Variants in CCDC144A observed in about 807,000 individuals in gnomAD.
The protein encoded by CCDC144A is coiled-coil domain-containing protein 144A.
Under a neutral mutation model 143.8 loss-of-function variants are expected in CCDC144A, and 41 were observed. The observed-to-expected ratio is 0.29, with a 90% CI of 0.22 to 0.37. The LOEUF (loss-of-function observed/expected upper bound fraction) is 0.37. Among genes scored for constraint, CCDC144A ranks in the 10% least tolerant of loss-of-function variants. CCDC144A has a pLI of 1.00. For synonymous variants in CCDC144A, 242 were observed against 517.9 expected (o/e 0.47, Z 7.23); for missense variants, 637 against 1,488.8 (o/e 0.43, Z 9.41).
At chr17:16,745,217 C>A (rs1217563723) in intron 12 of CCDC144A, among the ~76,000 whole-genome samples, 1 of 151,522 alleles carries the variant, frequency 6.6e-6, no homozygotes, top group Non-Finnish European at 1.5e-5. Context: ...CAGAGGCCAC[C>A]GAGAAGCACG....
rs547712631 is a variant in CCDC144A at position 16,737,957 on chromosome 17, CT to C, written c.3372+2323del. On this transcript the variant is annotated intron_variant, in intron 12 of 16. Coordinates refer to ENST00000399273, the MANE Select transcript of CCDC144A (RefSeq NM_001382000.1). The stretch of plus-strand genomic sequence containing the variant: ...AGTATTCCTCACAGAAGTTGAGAGG[CT>C]TTTTTTTTCCTGTGAAGTAGTATTT... Among the ~76,000 whole-genome samples, 400 of 146,718 alleles carry C rather than the reference CT, an allele frequency of 2.7e-3. 5 individuals are homozygous for C. The highest frequency in any genetic ancestry group is 0.011 in the African/African-American group (387 of 36,634).
At chr17:16,688,347 GCTGAGC>G (rs1910854054), upstream of CCDC144A, among the ~76,000 whole-genome samples, 4 of 152,080 alleles carry the variant, frequency 2.6e-5, no homozygotes, top group African/African-American at 9.7e-5. Context: ...CCAGGACACT[GCTGAGC>G]TGTGCAGATG....
intron 12 of CCDC144A, among the ~76,000 whole-genome samples, chr17:16,754,715 G>C (rs1250304466): frequency 6.6e-6 from 1 of 152,250 alleles, no homozygotes; most frequent in African/African-American, 2.4e-5. Context: ...TTTTAATACA[G>C]TGTTCTGTAA....
chr17:16,743,216 T>C (rs1914338694), intron 12 of CCDC144A, among the ~76,000 whole-genome samples: 1 of 152,180 alleles, frequency 6.6e-6, no homozygotes, highest in Non-Finnish European at 1.5e-5. Flanking sequence ...GTTTTATAAT[T>C]TTGGATCTCA....
chr17:16,735,424 G>T lies in CCDC144A; in HGVS notation c.3153G>T (p.Leu1051Phe). The T allele has an allele frequency of 6.2e-7, 1 of 1,613,354 alleles. No homozygotes were observed. Residue 1051 changes from leucine to phenylalanine, a missense_variant, in exon 12 of 17, where the codon TTG (leucine) becomes TTT (phenylalanine). Leu to Phe is a conservative substitution (Grantham distance 22). Transcript: ENST00000399273. ...CTCAACTACAAAGTGAAAATATGTT[G>T]CTTCGACAGCAACTGGATGATGCTC... ...RLSQLQSENM[L>F]LRQQLDDAHK... is the part of the protein sequence containing the mutation.
rs545311948 is a variant in CCDC144A at position 16,728,593 on chromosome 17, T to A, written c.2105+853T>A. ...TTTATTCTTTTTGAAAAATTTTTTT[T>A]AAATTTCATAGCTTTAGGTATACAA... On this transcript the variant is annotated intron_variant, in intron 9 of 16. Transcript: ENST00000399273. Among the ~76,000 whole-genome samples the A allele has an allele frequency of 5.3e-5, 8 of 152,354 alleles. No individual in the cohort carries two copies. In the South Asian group the frequency reaches 1.5e-3, roughly 28 times the overall value.
At chr17:16,707,789 G>C (rs1912143924) in intron 4 of CCDC144A, among the ~76,000 whole-genome samples, 1 of 152,046 alleles carries the variant, frequency 6.6e-6, no homozygotes, top group Non-Finnish European at 1.5e-5. Context: ...AATTTTGTTT[G>C]CTCTTCCATT....
rs910324487 is a variant in CCDC144A, at chr17:16,709,495, C to G, written c.1438C>G (p.Pro480Ala). Residue 480 changes from proline (P) to alanine (A), a missense_variant, in exon 5 of 17, where the codon CCA becomes GCA. Transcript: ENST00000399273. Reference sequence around the variant, plus strand: ...TAAATTAGAAAATCTGAGTTCTTTACCACCAGATTCTGACAGAACATCAGA... The same window carrying G: ...TAAATTAGAAAATCTGAGTTCTTTAGCACCAGATTCTGACAGAACATCAGA... ...KPKLENLSSL[P>A]PDSDRTSEVY... 1.2e-6 allele frequency: 2 copies of G among 1,611,432 alleles called. No individual in the cohort carries two copies. Among genetic ancestry groups the G allele is most frequent in the African/African-American group, 2.7e-5 (2 of 74,798 alleles).
Position 16,690,567 on chromosome 17 carries a change from A to G in CCDC144A, c.167A>G (p.Asn56Ser). 6.2e-7 allele frequency: 1 copy of G among 1,613,702 alleles called. No individual in the cohort carries two copies. The highest frequency in any genetic ancestry group is 8.5e-7 in the Non-Finnish European group (1 of 1,179,832). Residue 56 changes from asparagine to serine, a missense_variant, in exon 1 of 17, where the codon AAC becomes AGC. Transcript: ENST00000399273. ...SSGFPYSWWK[N>S]SVGSESKHGE... ...GGCTTCCCCTACAGCTGGTGGAAAA[A>G]CAGCGTCGGCAGCGAGAGCAAGCAC...
At chr17:16,726,499 T>C (rs1162531237) in intron 8 of CCDC144A, among the ~76,000 whole-genome samples, 1 of 151,492 alleles carries the variant, frequency 6.6e-6, no homozygotes, top group African/African-American at 2.4e-5. Flanking sequence ...ATCTTTCTGA[T>C]CTTGCTTTTA....
the CCDC144A span, among the ~76,000 whole-genome samples, chr17:16,671,692 T>C: frequency 1.3e-5 from 2 of 152,050 alleles, no homozygotes; most frequent in Admixed American, 6.6e-5. Flanking sequence ...TGGATATGGA[T>C]ATATTATCTT....
In CCDC144A at chr17:16,764,515, A is replaced by G; in HGVS notation, c.4098+340A>G. ...TTAGTTTGTCTGGGGTTCACTTTTA[A>G]TGGGTTTAGTGTGCCTGGGGTCACT... On this transcript the variant is annotated intron_variant, in intron 15 of 16. Transcript: ENST00000399273. 1.1e-5 allele frequency: 4 copies of G among 371,388 alleles called. No homozygotes were observed. The South Asian group carries it at 1.2e-4, about 11-fold the overall frequency. The allele number at this position is 371,388 out of a possible 1,614,324, so 23.0% of individuals were successfully genotyped here.
At chr17:16,734,282 G>T (rs1457056073) in intron 11 of CCDC144A, among the ~76,000 whole-genome samples, 1 of 152,050 alleles carries the variant, frequency 6.6e-6, no homozygotes, top group African/African-American at 2.4e-5. Flanking sequence ...CTTAAAGAAC[G>T]TTGGAACATT....
intron 13 of CCDC144A, among the ~76,000 whole-genome samples, chr17:16,762,036 A>G (rs1362087713): frequency 6.6e-6 from 1 of 152,276 alleles, no homozygotes; most frequent in Non-Finnish European, 1.5e-5. Flanking sequence ...ACTGCTTTTA[A>G]GTTACGTTGT....
Position 16,710,209 on chromosome 17 carries a change from C to T in CCDC144A, c.1578+574C>T, listed in dbSNP as rs576695808. 6.8e-5 allele frequency: 11 copies of T among 162,324 alleles called. No homozygotes were observed. In the South Asian group the frequency reaches 1.2e-3, roughly 17 times the overall value. 10.1% of individuals were successfully genotyped at this position (162,324 alleles called of 1,614,324 possible). On this transcript the variant is annotated intron_variant, in intron 5 of 16. Transcript: ENST00000399273. ...CATCAATATGGTGACCTCCTGGGAG[C>T]GGGGCACCACCAGATTTGCTAAGGA...
chr17:16,739,791 A>C (rs1173593978), intron 12 of CCDC144A, among the ~76,000 whole-genome samples: 1 of 152,036 alleles, frequency 6.6e-6, no homozygotes, highest in Non-Finnish European at 1.5e-5. Context: ...GTAGCAAATC[A>C]CATTTTAGGA....
rs1238329545 is a variant in CCDC144A, at chr17:16,773,734, C to G, written c.*101C>G. ...CTAAAGGGAAATATTCTATATTATA[C>G]ATGTCTGATGAAAATTTATATAGTA... is the stretch of plus-strand genomic sequence containing the variant. On this transcript the variant is annotated 3_prime_UTR_variant, in exon 17 of 17. Transcript: ENST00000399273. 1.6e-6 allele frequency: 2 copies of G among 1,279,432 alleles called. No homozygotes were observed. Among genetic ancestry groups the G allele is most frequent in the African/African-American group, 3.1e-5 (2 of 63,960 alleles). The allele number at this position is 1,279,432 out of a possible 1,614,324, so 79.3% of individuals were successfully genotyped here. A position where few individuals can be genotyped will look rare whatever the true frequency, so the allele number is the denominator to read the frequency against.
At chr17:16,770,711 A>T (rs1392103925) in intron 15 of CCDC144A, among the ~76,000 whole-genome samples, 2 of 152,052 alleles carry the variant, frequency 1.3e-5, no homozygotes, top group Non-Finnish European at 2.9e-5. Flanking sequence ...ATTGCATAAA[A>T]CCACATTATA....
chr17:16,759,342 A>G (rs1351496935), intron 12 of CCDC144A, among the ~76,000 whole-genome samples: 2 of 152,228 alleles, frequency 1.3e-5, no homozygotes, highest in Non-Finnish European at 2.9e-5. Context: ...TACACATATC[A>G]TGTCATTACT....
Sources: gnomAD v4.1 joint callset for allele counts (sites outside exome capture counted in the v4.1 genomes callset) on GRCh38, gnomAD v4.1.1 for gene constraint, MANE v1.5 for transcripts, NCBI Gene and HGNC (gene_info 2026-07-23, HGNC 2026-07-21) for gene names.